Variants in DDX60 observed in about 807,000 individuals in gnomAD.
DDX60 encodes DExD/H-box helicase 60.
DDX60 carries 165 observed loss-of-function variants against 212.8 expected under a neutral mutation model. That is an observed-to-expected ratio of 0.78 (90% CI 0.68 to 0.88). The LOEUF (loss-of-function observed/expected upper bound fraction) is 0.88. Ranked by LOEUF, DDX60 falls within the 40% of genes least tolerant of loss-of-function variation. The probability of loss-of-function intolerance (pLI) is 0.00; values close to 1 mark genes in which losing one functional copy is unlikely to be tolerated. For synonymous variants in DDX60, 703 were observed against 685.3 expected (o/e 1.03, Z -0.40); for missense variants, 1,905 against 2,003.9 (o/e 0.95, Z 0.94).
At chr4:168,220,240 TC>T (rs1446762476) in intron 37 of DDX60, among the ~76,000 whole-genome samples, 3 of 151,868 alleles carry the variant, frequency 2.0e-5, no homozygotes, top group African/African-American at 7.3e-5. Flanking sequence ...AACACAAAAT[TC>T]AAAGTATGTA....
chr4:168,283,444 ACGTGTG>A lies in DDX60; in HGVS notation c.1718_1722+1del. The A allele has an allele frequency of 6.2e-7, 1 of 1,613,102 alleles. No individual in the cohort carries two copies. The highest frequency in any genetic ancestry group is 8.5e-7 in the Non-Finnish European group (1 of 1,179,508). Reference sequence around the variant, plus strand: ...TAATTGGATAGAATTTATAGAACCTACGTGTGCCTTTTTGCTCTTGGGCCCACTAAA... The same window carrying A: ...TAATTGGATAGAATTTATAGAACCTACCTTTTTGCTCTTGGGCCCACTAAA... On this transcript the variant is annotated splice_donor_variant and coding_sequence_variant, in exon 13 of 38. Transcript: ENST00000393743. LOFTEE classifies it high-confidence loss of function.
At chr4:168,232,808 T>C (rs971795148) in intron 33 of DDX60, among the ~76,000 whole-genome samples, 1 of 152,092 alleles carries the variant, frequency 6.6e-6, no homozygotes, top group African/African-American at 2.4e-5. Context: ...AGACAAAGGC[T>C]TCACGACCAA....
intron 22 of DDX60, among the ~76,000 whole-genome samples, chr4:168,267,303 T>C (rs1014235492): frequency 6.6e-5 from 10 of 152,062 alleles, no homozygotes; most frequent in African/African-American, 2.2e-4. Flanking sequence ...GGAAGAAAAA[T>C]TGCCAAAGAA....
chr4:168,283,075 T>C (rs916451919), intron 13 of DDX60, among the ~76,000 whole-genome samples: 7 of 152,144 alleles, frequency 4.6e-5, no homozygotes, highest in African/African-American at 1.7e-4. Context: ...CTCTTTATAA[T>C]TTAGAAAAAA....
chr4:168,231,617 T>G (rs1048448570), intron 33 of DDX60, among the ~76,000 whole-genome samples: 27 of 151,960 alleles, frequency 1.8e-4, no homozygotes, highest in Admixed American at 1.2e-3. Context: ...CAAAAATCAC[T>G]GATCATCTAA....
intron 25 of DDX60, among the ~76,000 whole-genome samples, 179 bp from the exon 26 acceptor site, chr4:168,256,048 A>G (rs1482912753): frequency 6.6e-6 from 1 of 151,676 alleles, no homozygotes; most frequent in Non-Finnish European, 1.5e-5. Flanking sequence ...CTTATTAACT[A>G]CCTTATAGTA....
intron 37 of DDX60, 70 bp downstream of exon 37, chr4:168,220,585 G>A: frequency 1.1e-6 from 1 of 933,014 alleles, no homozygotes; most frequent in Non-Finnish European, 1.6e-6. Flanking sequence ...TATAGTAACA[G>A]CTCAACATTT....
intron 19 of DDX60, among the ~76,000 whole-genome samples, chr4:168,271,015 T>C (rs1027437954): frequency 7.3e-5 from 11 of 151,608 alleles, no homozygotes; most frequent in African/African-American, 2.2e-4. Flanking sequence ...GTAGCTGAGA[T>C]TACAGGCACC....
chr4:168,295,884 T>C (rs1251921264), intron 6 of DDX60, among the ~76,000 whole-genome samples: 1 of 152,172 alleles, frequency 6.6e-6, no homozygotes, highest in South Asian at 2.1e-4. Context: ...GAGGATATTA[T>C]GCTAGGTGAA....
intron 14 of DDX60, among the ~76,000 whole-genome samples, chr4:168,277,716 G>A (rs1344937930): frequency 6.6e-6 from 1 of 151,298 alleles, no homozygotes; most frequent in Non-Finnish European, 1.5e-5. Flanking sequence ...GGCTGAGGGA[G>A]GAGAATGGCG....
At chr4:168,288,365 TA>T (rs1735952807) in intron 8 of DDX60, 50 bp from the exon 9 acceptor site, 1 of 1,295,380 alleles carries the variant, frequency 7.7e-7, no homozygotes, top group Non-Finnish European at 1.1e-6. Context: ...ATATTAGCAA[TA>T]AACTATAGGG....
intron 30 of DDX60, among the ~76,000 whole-genome samples, chr4:168,240,411 G>C (rs1490325465): frequency 6.6e-6 from 1 of 152,146 alleles, no homozygotes; most frequent in Non-Finnish European, 1.5e-5. Flanking sequence ...GTAATTTATA[G>C]ATTCAGTGCT....
intron 1 of DDX60, among the ~76,000 whole-genome samples, chr4:168,315,233 C>T (rs1737312872): frequency 6.6e-6 from 1 of 152,098 alleles, no homozygotes. Context: ...TAATACCTGG[C>T]ACACAGAATT....
At chr4:168,299,157 C>CAAAAAAAAAAAAA (rs1197872492) in intron 6 of DDX60, among the ~76,000 whole-genome samples, 22 of 61,936 alleles carry the variant, frequency 3.6e-4, no homozygotes, top group African/African-American at 7.4e-4. Flanking sequence ...GAGACTGTCT[C>CAAAAAAAAAAAAA]AAAAAAAAAA....
At position 168,236,353 on chromosome 4, in the gene DDX60, C is replaced by A; in HGVS notation, c.4432G>T (p.Asp1478Tyr). The A allele has an allele frequency of 6.2e-7, 1 of 1,605,534 alleles. No homozygotes were observed. The highest frequency in any genetic ancestry group is 1.7e-4 in the Middle Eastern group (1 of 5,984). Reference sequence around the variant, plus strand: ...ACTAATACTAGCTTTTCCATAACGTCTTGAGAAAAATGTTTTGAGCCTATA... The same window carrying A: ...ACTAATACTAGCTTTTCCATAACGTATTGAGAAAAATGTTTTGAGCCTATA... Reference protein sequence around the residue: ...TRKGSKHFSQDVMEKLVLVLA... With the variant: ...TRKGSKHFSQYVMEKLVLVLA... The change falls in exon 33 of 38, where the codon GAC becomes TAC. Residue 1478 changes from aspartate (D) to tyrosine (Y), a missense_variant. Transcript: ENST00000393743.
At chr4:168,241,960 A>G (rs1210756414) in intron 30 of DDX60, among the ~76,000 whole-genome samples, 1 of 152,136 alleles carries the variant, frequency 6.6e-6, no homozygotes, top group Non-Finnish European at 1.5e-5. Flanking sequence ...TCTGCTGTGT[A>G]AAGTCTAGGA....
intron 6 of DDX60, among the ~76,000 whole-genome samples, chr4:168,295,339 C>T (rs1736296488): frequency 6.6e-6 from 1 of 152,158 alleles, no homozygotes; most frequent in Admixed American, 6.5e-5. Flanking sequence ...TGCAATGTAA[C>T]TTAATAGGTA....
Position 168,225,663 on chromosome 4 carries a change from T to A in DDX60, c.4547A>T (p.Asp1516Val). The change falls in exon 34 of 38, where the codon GAT becomes GTT. Residue 1516 changes from aspartate (D) to valine (V), a missense_variant. By Grantham distance (152) the Asp-to-Val change is radical. Transcript: ENST00000393743. ...EFYQSKVFLDDLPEDFSDALD... is the reference protein window; with the variant it reads ...EFYQSKVFLDVLPEDFSDALD... ...AGCATCACTAAAATCCTCAGGGAGA[T>A]CATCAAGGAACACCTAGAAGCCGAA... 4 of 1,610,494 alleles carry A rather than the reference T, an allele frequency of 2.5e-6. No individual in the cohort carries two copies. The highest frequency in any genetic ancestry group is 3.4e-6 in the Non-Finnish European group (4 of 1,178,608).
chr4:168,295,291 G>A (rs1207212070), intron 6 of DDX60, among the ~76,000 whole-genome samples: 1 of 152,194 alleles, frequency 6.6e-6, no homozygotes. Context: ...GCTGGAGAAG[G>A]ACTTCGTACT....
Sources: allele counts gnomAD v4.1 joint callset (sites outside exome capture counted in the v4.1 genomes callset), GRCh38; gene constraint gnomAD v4.1.1; transcripts MANE v1.5; gene names NCBI Gene and HGNC (gene_info 2026-07-23, HGNC 2026-07-21).